Variants in RHOBTB1 observed in about 807,000 individuals in gnomAD.
RHOBTB1 encodes rho-related BTB domain-containing protein 1.
Under a neutral mutation model 71.6 loss-of-function variants are expected in RHOBTB1, and 40 were observed. The observed-to-expected ratio is 0.56, with a 90% confidence interval of 0.43 to 0.73. The LOEUF (loss-of-function observed/expected upper bound fraction) is 0.73, where lower values mean the gene tolerates loss of function less well. Among genes scored for constraint, RHOBTB1 ranks in the 30% least tolerant of loss-of-function variants. The pLI, the probability that RHOBTB1 is intolerant of heterozygous loss-of-function variation, is 0.00. For missense variants in RHOBTB1, 797 were observed against 894.0 expected (o/e 0.89, Z 1.38); for synonymous variants, 319 against 334.9 (o/e 0.95, Z 0.52).
rs373993140 is a variant in RHOBTB1, at chr10:60,875,057, G to C, written c.1727-15C>G. On this transcript the variant is annotated splice_polypyrimidine_tract_variant and intron_variant, in intron 8 of 10. Coordinates refer to ENST00000337910, the MANE Select transcript of RHOBTB1 (RefSeq NM_014836.5). Reference sequence around the variant, plus strand: ...GGCATGCTGTTCTGGGGAAGAGAGAGGGGGCAGGAGAACATTAAACCACGC... The same window carrying C: ...GGCATGCTGTTCTGGGGAAGAGAGACGGGGCAGGAGAACATTAAACCACGC... 1 of 1,608,778 alleles carries C rather than the reference G, an allele frequency of 6.2e-7. No individual in the cohort carries two copies. The highest frequency in any genetic ancestry group is 2.2e-5 in the East Asian group (1 of 44,832).
downstream of RHOBTB1, among the ~76,000 whole-genome samples, chr10:60,864,724 A>T (rs1268712601): frequency 6.6e-6 from 1 of 151,762 alleles, no homozygotes; most frequent in Non-Finnish European, 1.5e-5. Flanking sequence ...ACAGAGTCTC[A>T]CTCTGTTGCC....
intron 2 of RHOBTB1, among the ~76,000 whole-genome samples, chr10:60,934,360 G>T (rs1043760821): frequency 1.2e-4 from 19 of 152,042 alleles, no homozygotes; most frequent in African/African-American, 4.3e-4. Flanking sequence ...TTATATCAAA[G>T]GAACTAATAC....
chr10:60,871,812 G>A (rs1471294551), intron 10 of RHOBTB1, 161 bp from the exon 11 acceptor site: 9 of 674,222 alleles, frequency 1.3e-5, no homozygotes, highest in Non-Finnish European at 2.2e-5. Context: ...CGTTCTGAGA[G>A]GAAGAATCTC....
intron 2 of RHOBTB1, among the ~76,000 whole-genome samples, chr10:60,919,721 C>T (rs1041644654): frequency 1.3e-5 from 2 of 152,186 alleles, no homozygotes; most frequent in South Asian, 4.1e-4. Context: ...GAACCACCTG[C>T]TGATATGAAA....
intron 7 of RHOBTB1, among the ~76,000 whole-genome samples, chr10:60,881,914 C>T (rs2081344556): frequency 6.6e-6 from 1 of 152,060 alleles, no homozygotes; most frequent in Admixed American, 6.6e-5. Flanking sequence ...CTGAATATAA[C>T]GTTAACATTT....
At chr10:60,953,605 C>T (rs1342584896) in intron 2 of RHOBTB1, among the ~76,000 whole-genome samples, 1 of 150,944 alleles carries the variant, frequency 6.6e-6, no homozygotes, top group East Asian at 1.9e-4. Context: ...ATCTATCACA[C>T]CTGTTGTTTT....
intron 2 of RHOBTB1, among the ~76,000 whole-genome samples, chr10:60,982,546 A>G (rs2086535105): frequency 6.6e-6 from 1 of 152,146 alleles, no homozygotes; most frequent in South Asian, 2.1e-4. Flanking sequence ...TAGGGATATT[A>G]GCAAGCATCC....
chr10:60,879,654 C>T (rs2081219413), intron 7 of RHOBTB1, among the ~76,000 whole-genome samples: 3 of 152,080 alleles, frequency 2.0e-5, no homozygotes, highest in Non-Finnish European at 4.4e-5. Flanking sequence ...CGGTTATGAA[C>T]TTCTTAATTC....
chr10:60,934,697 C>A (rs73266031), intron 2 of RHOBTB1, among the ~76,000 whole-genome samples: 1,878 of 152,296 alleles, frequency 0.012, 42 homozygotes, highest in African/African-American at 0.042. Flanking sequence ...CCAAATTTAG[C>A]CTTTGGCTCC....
At chr10:60,954,243 C>T (rs1432352374) in intron 2 of RHOBTB1, among the ~76,000 whole-genome samples, 4 of 152,148 alleles carry the variant, frequency 2.6e-5, no homozygotes, top group Non-Finnish European at 5.9e-5. Flanking sequence ...AGTCCAGTTT[C>T]CTCCTCTGTA....
At chr10:60,910,022 C>G (rs1472057734) in intron 4 of RHOBTB1, among the ~76,000 whole-genome samples, 1 of 152,148 alleles carries the variant, frequency 6.6e-6, no homozygotes, top group African/African-American at 2.4e-5. Context: ...AATTCACGTG[C>G]TTGGAGTACC....
chr10:60,942,859 A>ATT (rs11414207), intron 1 of RHOBTB1, among the ~76,000 whole-genome samples: 306 of 148,296 alleles, frequency 2.1e-3, no homozygotes, highest in South Asian at 4.5e-3. Flanking sequence ...CGATAACGGT[A>ATT]TTTTTTTTTT....
At chr10:60,862,081 A>C in the RHOBTB1 span, among the ~76,000 whole-genome samples, 1 of 148,894 alleles carries the variant, frequency 6.7e-6, no homozygotes, top group Non-Finnish European at 1.5e-5. Flanking sequence ...CCTTCGTTCC[A>C]TCCTTCCTTC....
At chr10:60,874,752 C>T (rs904475022) in intron 9 of RHOBTB1, among the ~76,000 whole-genome samples, 6 of 151,996 alleles carry the variant, frequency 3.9e-5, no homozygotes, top group Admixed American at 6.6e-5. Flanking sequence ...GGGTGGGGAC[C>T]GTTTTGTTTA....
chr10:60,931,240 T>C (rs1171220048), intron 2 of RHOBTB1, among the ~76,000 whole-genome samples: 1 of 152,226 alleles, frequency 6.6e-6, no homozygotes, highest in East Asian at 1.9e-4. Context: ...GTGGTGTTTA[T>C]GATATTAACA....
chr10:60,869,140 G>A (rs556536355), downstream of RHOBTB1, among the ~76,000 whole-genome samples: 3 of 152,312 alleles, frequency 2.0e-5, no homozygotes, highest in African/African-American at 7.2e-5. Flanking sequence ...ATTATACTAA[G>A]TCCTGTAGGA....
At chr10:60,872,508 G>T (rs941486811) in intron 9 of RHOBTB1, among the ~76,000 whole-genome samples, 18 of 152,134 alleles carry the variant, frequency 1.2e-4, no homozygotes, top group African/African-American at 4.1e-4. Context: ...TGTCATAGGT[G>T]CACAAAAATA....
intron 2 of RHOBTB1, among the ~76,000 whole-genome samples, chr10:60,964,056 C>T (rs1021615058): frequency 4.6e-5 from 7 of 152,110 alleles, no homozygotes; most frequent in African/African-American, 1.7e-4. Flanking sequence ...AAAAGACCTA[C>T]CAACCTTGGT....
intron 8 of RHOBTB1, among the ~76,000 whole-genome samples, chr10:60,877,706 C>T (rs770889508): frequency 8.5e-5 from 13 of 152,208 alleles, no homozygotes; most frequent in Non-Finnish European, 1.6e-4. Flanking sequence ...CAGGGCCCAC[C>T]ACAGAGTGGG....
Sources: allele counts gnomAD v4.1 joint callset (sites outside exome capture counted in the v4.1 genomes callset), GRCh38; gene constraint gnomAD v4.1.1; transcripts MANE v1.5; gene names NCBI Gene and HGNC (gene_info 2026-07-23, HGNC 2026-07-21).